Variants in ANK1 observed in about 807,000 individuals in gnomAD.
The protein encoded by ANK1 is ankyrin-1.
ANK1 carries 51 observed loss-of-function variants against 210.4 expected under a neutral mutation model. That is an observed-to-expected ratio of 0.24 (90% CI 0.19 to 0.31). The LOEUF (loss-of-function observed/expected upper bound fraction) is 0.31, where lower values mean the gene tolerates loss of function less well. Among genes scored for constraint, ANK1 ranks in the 10% least tolerant of loss-of-function variants. The probability of loss-of-function intolerance (pLI) is 1.00; values close to 1 mark genes in which losing one functional copy is unlikely to be tolerated. For synonymous variants in ANK1, 967 were observed against 1,025.9 expected, an observed-to-expected ratio of 0.94 and a Z score of 1.10; for missense variants, 2,051 against 2,504.4, an observed-to-expected ratio of 0.82 and a Z score of 3.86.
intron 1 of ANK1, among the ~76,000 whole-genome samples, chr8:41,836,024 C>T (rs1807625938): frequency 6.6e-6 from 1 of 152,210 alleles, no homozygotes; most frequent in Admixed American, 6.5e-5. Context: ...GGTCTGCAAG[C>T]CTCTCTCTGG....
intron 1 of ANK1, among the ~76,000 whole-genome samples, chr8:41,765,805 G>A (rs758053779): frequency 7.2e-5 from 11 of 152,288 alleles, no homozygotes; most frequent in South Asian, 2.1e-4. Flanking sequence ...GATGGGGTGC[G>A]AGGGGGCTCC....
intron 1 of ANK1, among the ~76,000 whole-genome samples, chr8:41,803,083 G>GGAA (rs367984370): frequency 0.13 from 5,289 of 42,286 alleles, 256 homozygotes; most frequent in African/African-American, 0.18. Context: ...AAGGAAGGAA[G>GGAA]GGAAGGAAAG....
upstream of ANK1, among the ~76,000 whole-genome samples, chr8:41,799,111 C>A (rs1018038861): frequency 3.9e-5 from 6 of 152,246 alleles, no homozygotes; most frequent in African/African-American, 1.4e-4. Flanking sequence ...TACCACAGCA[C>A]AGTCCTTAAG....
intron 2 of ANK1, among the ~76,000 whole-genome samples, chr8:41,744,521 A>G (rs1309677649): frequency 7.5e-5 from 11 of 146,670 alleles, no homozygotes; most frequent in Admixed American, 3.5e-4. Flanking sequence ...GTGGGGAGGG[A>G]GCATGATTTC....
chr8:41,688,642 A>G, intron 33 of ANK1, 53 bp from the exon 34 acceptor site: 1 of 1,531,098 alleles, frequency 6.5e-7, no homozygotes, highest in Non-Finnish European at 9.0e-7. Context: ...ACCTTCCCAG[A>G]GAAAGTGATC....
chr8:41,810,230 T>C lies in ANK1; in HGVS notation c.127-52093A>G, dbSNP rs559876244. Among the ~76,000 whole-genome samples the C allele has an allele frequency of 9.9e-4, 151 of 152,378 alleles. 1 individual carries two copies. In the Middle Eastern group the frequency reaches 0.014, roughly 14 times the overall value. ...TGGGCGAGGTCTGCCTGATTATTCA[T>C]AGTTTGGCATTTCCTAAATCCAGGT... is the stretch of plus-strand genomic sequence containing the variant. On this transcript the variant is annotated intron_variant, in intron 1 of 42. Coordinates refer to the ANK1 transcript ENST00000265709.
chr8:41,714,243 G>T lies in ANK1; in HGVS notation c.1713C>A (p.Thr571=). Residue 571 remains threonine (T), a synonymous_variant, in exon 16 of 43, where the codon ACC becomes ACA. Coordinates refer to ENST00000289734, the MANE Select transcript of ANK1 (RefSeq NM_000037.4). ...HPNAAGKNGL[T]PLHVAVHHNN... is the part of the protein sequence containing the mutation. ...TGTGATGGACGGCCACGTGCAGGGG[G>T]GTCAGGCCATTCTGCAGGGGACAAA... 6.4e-7 allele frequency: 1 copy of T among 1,553,620 alleles called. No individual in the cohort carries two copies. The highest frequency in any genetic ancestry group is 8.7e-7 in the Non-Finnish European group (1 of 1,142,974).
intron 1 of ANK1, among the ~76,000 whole-genome samples, chr8:41,822,124 G>A (rs370041462): frequency 0.035 from 976 of 27,696 alleles, 25 homozygotes; most frequent in African/African-American, 0.091. Flanking sequence ...GAAAGAAAGA[G>A]AAAGAAAGAG....
intron 2 of ANK1, among the ~76,000 whole-genome samples, chr8:41,752,596 C>T (rs552904): frequency 0.31 from 47,077 of 151,942 alleles, 7,968 homozygotes; most frequent in East Asian, 0.66. Flanking sequence ...CCGGTCTGCT[C>T]CCAGCATCCC....
rs372781004 is a variant in ANK1 at position 41,727,600 on chromosome 8, A to G, written c.328-252T>C. On this transcript the variant is annotated intron_variant, in intron 4 of 42. Coordinates refer to ENST00000289734, the MANE Select transcript of ANK1 (RefSeq NM_000037.4). ...CACATACTCCTCATTGATTTCATCA[A>G]TGCTGCACTGCACACCTCATTCCCC... Among the ~76,000 whole-genome samples, 88 of 152,346 alleles carry G rather than the reference A, an allele frequency of 5.8e-4. 1 individual carries two copies. The South Asian group carries it at 0.015, about 26-fold the overall frequency.
At chr8:41,666,446 A>G (rs1810578499) in intron 39 of ANK1, among the ~76,000 whole-genome samples, 1 of 152,208 alleles carries the variant, frequency 6.6e-6, no homozygotes, top group African/African-American at 2.4e-5. Flanking sequence ...TCAACAAGAA[A>G]GCACGGGGAA....
chr8:41,860,105 C>T (rs1812993099), intron 1 of ANK1, among the ~76,000 whole-genome samples: 1 of 152,156 alleles, frequency 6.6e-6, no homozygotes, highest in Admixed American at 6.5e-5. Context: ...ATATTTATGG[C>T]ATAAAAGAGG....
chr8:41,684,404 T>A, intron 37 of ANK1, 140 bp downstream of exon 37: 3 of 1,362,800 alleles, frequency 2.2e-6, no homozygotes, highest in Non-Finnish European at 3.1e-6. Context: ...GAGGAACTTG[T>A]TGCTGACAAA....
At position 41,846,296 on chromosome 8, in the gene ANK1, C is replaced by T. The variant is rs535251289; in HGVS notation, c.126+50059G>A. On this transcript the variant is annotated intron_variant, in intron 1 of 42. Coordinates refer to the ANK1 transcript ENST00000265709. ...GAGCTCTCTCCAGCAGCCCACACTGCCCATTATGCTGGCAACTAGCTGAAT... is the reference window on the plus strand; with the variant it reads ...GAGCTCTCTCCAGCAGCCCACACTGTCCATTATGCTGGCAACTAGCTGAAT... Among the ~76,000 whole-genome samples, 6 of 152,388 alleles carry T rather than the reference C, an allele frequency of 3.9e-5. No individual in the cohort carries two copies. The East Asian group carries it at 1.2e-3, about 29-fold the overall frequency.
intron 1 of ANK1, among the ~76,000 whole-genome samples, chr8:41,794,981 G>A (rs1391390673): frequency 2.6e-5 from 4 of 152,044 alleles, no homozygotes; most frequent in Non-Finnish European, 5.9e-5. Flanking sequence ...TGGGATTACC[G>A]GCGTGAGCCA....
At chr8:41,731,278 G>C (rs539255713) in intron 3 of ANK1, among the ~76,000 whole-genome samples, 36 of 152,156 alleles carry the variant, frequency 2.4e-4, no homozygotes, top group Non-Finnish European at 4.0e-4. Flanking sequence ...GCTATATTTT[G>C]CTCCACAAAC....
chr8:41,684,629 C>G lies in ANK1; in HGVS notation c.4452G>C (p.Glu1484Asp), dbSNP rs1817157169. The change falls in exon 37 of 43, where the codon GAG becomes GAC. Residue 1484 changes from glutamate (E) to aspartate (D), a missense_variant. By Grantham distance (45) the Glu-to-Asp change is conservative (BLOSUM62 2). Around this residue, in one of 6 missense-constraint regions of ANK1, gnomAD observed 496 missense variants for 533.4 expected, o/e 0.93. Transcript: ENST00000289734. ...IDRGEIVNML[E>D]GSGRQSRNLK... ...AGTTGCGGCTCTGTCGGCCGGAACC[C>G]TCCAGCATGTTCACGATCTCGCCAC... The G allele has an allele frequency of 1.9e-6, 3 of 1,613,942 alleles. No individual in the cohort carries two copies. Among genetic ancestry groups the G allele is most frequent in the Non-Finnish European group, 1.7e-6 (2 of 1,180,026 alleles).
In ANK1 at chr8:41,748,879, C is replaced by CA. The variant is rs547770976; in HGVS notation, c.129+9156dup. ...TGAAATCCCGTCTCTGCTAAAAATACAAAAAATTAGCCGGGCGTGGTGGCG... is the reference window on the plus strand; with the variant it reads ...TGAAATCCCGTCTCTGCTAAAAATACAAAAAAATTAGCCGGGCGTGGTGGCG... On this transcript the variant is annotated intron_variant, in intron 2 of 42. Transcript: ENST00000289734. Among the ~76,000 whole-genome samples, 23 of 152,170 alleles carry CA rather than the reference C, an allele frequency of 1.5e-4. No individual in the cohort carries two copies. The East Asian group carries it at 2.3e-3, about 15-fold the overall frequency.
chr8:41,665,532 C>G, intron 39 of ANK1: 1 of 334,544 alleles, frequency 3.0e-6, no homozygotes, highest in East Asian at 8.1e-5. Context: ...AAGTTTCTTA[C>G]TTTCAGAAAA....
Sources: gnomAD v4.1 joint callset for allele counts (sites outside exome capture counted in the v4.1 genomes callset) on GRCh38, gnomAD v4.1.1 for gene constraint, gnomAD v4.1.1 regional missense constraint, MANE v1.5 for transcripts, NCBI Gene and HGNC (gene_info 2026-07-23, HGNC 2026-07-21) for gene names.